NOSTRIN: variants seen among roughly 807,000 people sequenced by gnomAD.
NOSTRIN encodes the protein nitric oxide synthase trafficking.
A neutral mutation model predicts 59.0 loss-of-function variants in NOSTRIN; 63 were observed. That is an observed-to-expected ratio of 1.07 (90% CI 0.87 to 1.32). The LOEUF (loss-of-function observed/expected upper bound fraction) is 1.32. Ranked by LOEUF, NOSTRIN falls within the 40% of genes most tolerant of loss-of-function variation. The probability of loss-of-function intolerance (pLI) is 0.00; values close to 1 mark genes in which losing one functional copy is unlikely to be tolerated. For missense variants in NOSTRIN, 512 were observed against 473.1 expected (o/e 1.08, Z -0.76); for synonymous variants, 200 against 165.4 (o/e 1.21, Z -1.61).
At chr2:168,811,117 A>G (rs1230241446) in intron 1 of NOSTRIN, among the ~76,000 whole-genome samples, 1 of 152,178 alleles carries the variant, frequency 6.6e-6, no homozygotes, top group Admixed American at 6.5e-5. Flanking sequence ...ACAGTTTCAT[A>G]TCTCAGACAA....
At chr2:168,831,045 G>A (rs1041976034) in intron 5 of NOSTRIN, among the ~76,000 whole-genome samples, 1 of 152,202 alleles carries the variant, frequency 6.6e-6, no homozygotes, top group Admixed American at 6.5e-5. Context: ...TGATTGATAA[G>A]CTAGTACTGT....
At chr2:168,843,910 G>C (rs1362085410) in intron 8 of NOSTRIN, among the ~76,000 whole-genome samples, 1 of 152,170 alleles carries the variant, frequency 6.6e-6, no homozygotes, top group Non-Finnish European at 1.5e-5. Context: ...TGGGAGAATT[G>C]TTTATAATTG....
chr2:168,838,755 C>T (rs1469719467), intron 7 of NOSTRIN, among the ~76,000 whole-genome samples: 1 of 151,356 alleles, frequency 6.6e-6, no homozygotes, highest in Non-Finnish European at 1.5e-5. Flanking sequence ...CCTTCAAAGG[C>T]TTCCCAATGA....
chr2:168,794,236 A>C (rs1433576512), upstream of NOSTRIN, among the ~76,000 whole-genome samples: 1 of 152,204 alleles, frequency 6.6e-6, no homozygotes, highest in East Asian at 1.9e-4. Context: ...ATTGTGTAAA[A>C]TGCTACAGAG....
chr2:168,806,219 T>A (rs180988112), intron 1 of NOSTRIN, among the ~76,000 whole-genome samples: 344 of 152,252 alleles, frequency 2.3e-3, no homozygotes, highest in Non-Finnish European at 3.7e-3. Flanking sequence ...TTGTGTTAAA[T>A]TTAAGGGGAA....
At chr2:168,810,231 T>C (rs1372921149) in intron 1 of NOSTRIN, among the ~76,000 whole-genome samples, 1 of 152,188 alleles carries the variant, frequency 6.6e-6, no homozygotes, top group African/African-American at 2.4e-5. Flanking sequence ...ACCACTCTCC[T>C]TGTATCCCAA....
chr2:168,860,788 T>C lies in NOSTRIN; in HGVS notation c.1180-7T>C, dbSNP rs1184921961. 3 of 1,537,410 alleles carry C rather than the reference T, an allele frequency of 2.0e-6. No individual in the cohort carries two copies. The South Asian group carries it at 3.4e-5, about 17-fold the overall frequency. On this transcript the variant is annotated splice_region_variant and splice_polypyrimidine_tract_variant and intron_variant, in intron 13 of 15. Coordinates refer to ENST00000317647, the MANE Select transcript of NOSTRIN (RefSeq NM_001039724.4). The stretch of plus-strand genomic sequence containing the variant: ...ACAAAATATGACTTTTTATGTCATT[T>C]GAACAGGAGCATACTCATAGCTATG...
At chr2:168,850,614 T>C (rs938663343) in intron 8 of NOSTRIN, among the ~76,000 whole-genome samples, 1 of 148,468 alleles carries the variant, frequency 6.7e-6, no homozygotes, top group Non-Finnish European at 1.5e-5. Context: ...TTTTTTTTTT[T>C]TGTAAAAACA....
intron 7 of NOSTRIN, among the ~76,000 whole-genome samples, chr2:168,836,042 T>C (rs1210343746): frequency 1.3e-5 from 2 of 152,228 alleles, no homozygotes; most frequent in Non-Finnish European, 2.9e-5. Flanking sequence ...GAGAAAATTG[T>C]CATCACCAGT....
upstream of NOSTRIN, among the ~76,000 whole-genome samples, chr2:168,794,930 C>A (rs553425393): frequency 1.3e-5 from 2 of 152,168 alleles, no homozygotes; most frequent in South Asian, 4.2e-4. Context: ...GCAGGCACAG[C>A]ATATAAAATT....
At chr2:168,838,366 A>C (rs994619836) in intron 7 of NOSTRIN, among the ~76,000 whole-genome samples, 1 of 152,104 alleles carries the variant, frequency 6.6e-6, no homozygotes, top group African/African-American at 2.4e-5. Context: ...CAGCCTCCCA[A>C]GTAGCTGGGA....
intron 7 of NOSTRIN, among the ~76,000 whole-genome samples, chr2:168,842,632 CTA>C (rs2105716697): frequency 6.6e-6 from 1 of 152,352 alleles, no homozygotes; most frequent in South Asian, 2.1e-4. Flanking sequence ...CCAGATAAGA[CTA>C]TGGGATTCAT....
At chr2:168,798,556 A>C (rs1685539421), upstream of NOSTRIN, among the ~76,000 whole-genome samples, 2 of 152,198 alleles carry the variant, frequency 1.3e-5, no homozygotes, top group African/African-American at 2.4e-5. Flanking sequence ...CTTTCTGCAG[A>C]GAGGCCATAC....
intron 3 of NOSTRIN, among the ~76,000 whole-genome samples, chr2:168,825,460 CTA>C (rs1687007237): frequency 6.6e-6 from 1 of 152,186 alleles, no homozygotes. Flanking sequence ...TTTCTCTACT[CTA>C]TGGCTTTTGA....
upstream of NOSTRIN, among the ~76,000 whole-genome samples, chr2:168,796,062 G>C (rs936798489): frequency 2.0e-5 from 3 of 152,234 alleles, no homozygotes; most frequent in Admixed American, 2.0e-4. Flanking sequence ...AATGATCCCA[G>C]ACTGAAAATA....
intron 2 of NOSTRIN, among the ~76,000 whole-genome samples, chr2:168,823,056 G>A (rs1009892600): frequency 9.9e-5 from 15 of 152,108 alleles, no homozygotes; most frequent in African/African-American, 3.1e-4. Context: ...TTGCTCTGTC[G>A]CCCAGGCTAG....
At chr2:168,839,617 A>G (rs1451051689) in intron 7 of NOSTRIN, among the ~76,000 whole-genome samples, 2 of 152,156 alleles carry the variant, frequency 1.3e-5, no homozygotes, top group African/African-American at 4.8e-5. Context: ...CTTAAGTAAG[A>G]ATACAGGAGT....
At chr2:168,834,113 G>T (rs375630877) in intron 6 of NOSTRIN, 114 bp from the exon 7 acceptor site, 16 of 637,092 alleles carry the variant, frequency 2.5e-5, no homozygotes, top group East Asian at 1.1e-4. Flanking sequence ...AGGATTCTAG[G>T]ATACATAATT....
intron 15 of NOSTRIN, among the ~76,000 whole-genome samples, chr2:168,864,236 C>T (rs1442483836): frequency 6.6e-6 from 1 of 151,944 alleles, no homozygotes; most frequent in Non-Finnish European, 1.5e-5. Flanking sequence ...CGCGGCCTCC[C>T]AACGTGCTGG....
Sources: allele counts gnomAD v4.1 joint callset (sites outside exome capture counted in the v4.1 genomes callset), GRCh38; gene constraint gnomAD v4.1.1; transcripts MANE v1.5; gene names NCBI Gene and HGNC (gene_info 2026-07-23, HGNC 2026-07-21).